SMARCA1: variants seen among roughly 807,000 people sequenced by gnomAD.
The protein encoded by SMARCA1 is SWI/SNF-related matrix-associated actin-dependent regulator of chromatin subfamily A member 1.
A neutral mutation model predicts 93.6 loss-of-function variants in SMARCA1; 17 were observed. That is an observed-to-expected ratio of 0.18 (90% CI 0.12 to 0.27). The LOEUF is 0.27. Among genes scored for constraint, SMARCA1 ranks in the 10% least tolerant of loss-of-function variants. SMARCA1 has a pLI of 1.00. For missense variants in SMARCA1, 630 were observed against 819.0 expected (o/e 0.77, Z 2.82); for synonymous variants, 271 against 271.4 (o/e 1.00, Z 0.01).
At chrX:129,523,048 G>T in intron 1 of SMARCA1, 149 bp downstream of exon 1, 1 of 609,518 alleles carries the variant, frequency 1.6e-6, no homozygotes, top group Non-Finnish European at 2.5e-6. Flanking sequence ...CGAACGCCAG[G>T]CGGTTCCGCC....
chrX:129,474,943 T>C (rs1312040324), intron 19 of SMARCA1, among the ~76,000 whole-genome samples: 1 of 110,839 alleles, frequency 9.0e-6, no homozygotes, highest in African/African-American at 3.3e-5. Context: ...CTCTCTTCCC[T>C]TCTAACATGG....
At position 129,477,837 on chromosome X, in the gene SMARCA1, T is replaced by A. The variant is rs762338067; in HGVS notation, c.2442+2864A>T. On this transcript the variant is annotated intron_variant, in intron 19 of 24. Transcript: ENST00000371121. ...AAACATCTCAGTGGGTTTCCTTTAC[T>A]CTAAAGCTAAAGTTCAACCTCATTA... Among the ~76,000 whole-genome samples, 21 of 104,707 alleles carry A rather than the reference T, an allele frequency of 2.0e-4. No individual in the cohort carries two copies. The South Asian group carries it at 0.011, about 54-fold the overall frequency. 90.9% of individuals were successfully genotyped at this position (104,707 alleles called of 115,157 possible).
At chrX:129,478,035 G>T (rs1933464915) in intron 19 of SMARCA1, among the ~76,000 whole-genome samples, 1 of 111,372 alleles carries the variant, frequency 9.0e-6, no homozygotes, top group Non-Finnish European at 1.9e-5. Context: ...ACCTGCCTCA[G>T]CTTTTCTCTC....
At position 129,451,972 on chromosome X, in the gene SMARCA1, G is replaced by A. The variant is rs1210818136; in HGVS notation, c.3031-3529C>T. Among the ~76,000 whole-genome samples the A allele has an allele frequency of 2.7e-5, 3 of 111,735 alleles. No individual in the cohort carries two copies. In the South Asian group the frequency reaches 1.1e-3, roughly 42 times the overall value. On this transcript the variant is annotated intron_variant, in intron 23 of 24. Coordinates refer to ENST00000371121, the MANE Select transcript of SMARCA1 (RefSeq NM_001282874.2). ...CCCACCTTGGCCTCCCAAAGTGCTG[G>A]GATTACAGGCGTGAGCCACCACGCC...
intron 17 of SMARCA1, among the ~76,000 whole-genome samples, chrX:129,481,942 C>T (rs1439568942): frequency 9.5e-6 from 1 of 104,850 alleles, no homozygotes; most frequent in Non-Finnish European, 2.0e-5. Flanking sequence ...AAATGTCCAA[C>T]AATGATAGAC....
Position 129,523,480 on chromosome X carries a change from C to G in SMARCA1, c.-110G>C. 6 of 574,702 alleles carry G rather than the reference C, an allele frequency of 1.0e-5. No homozygotes were observed. In the East Asian group the frequency reaches 2.0e-4, roughly 19 times the overall value. The allele number at this position is 574,702 out of a possible 1,213,427, so 47.4% of individuals were successfully genotyped here. A position where few individuals can be genotyped will look rare whatever the true frequency, so the allele number is the denominator to read the frequency against. ...GATGGAGCAGGGGTGGGGAATCACTCCGCTTCCAACCCCTTCGCTCAGGCC... is the reference window on the plus strand; with the variant it reads ...GATGGAGCAGGGGTGGGGAATCACTGCGCTTCCAACCCCTTCGCTCAGGCC... On this transcript the variant is annotated 5_prime_UTR_variant, in exon 1 of 25. Transcript: ENST00000371121.
chrX:129,518,296 T>C, intron 2 of SMARCA1, 65 bp downstream of exon 2: 1 of 609,924 alleles, frequency 1.6e-6, no homozygotes, highest in Non-Finnish European at 2.6e-6. Context: ...TATTTTTTCA[T>C]CTTTAACATC....
intron 23 of SMARCA1, among the ~76,000 whole-genome samples, chrX:129,452,884 A>T (rs1388078670): frequency 8.9e-6 from 1 of 112,049 alleles, no homozygotes; most frequent in Non-Finnish European, 1.9e-5. Flanking sequence ...CCAAGAGGAT[A>T]TGTTTACTTC....
At chrX:129,517,090 G>C (rs1380684129) in intron 2 of SMARCA1, among the ~76,000 whole-genome samples, 1 of 111,013 alleles carries the variant, frequency 9.0e-6, no homozygotes, top group Non-Finnish European at 1.9e-5. Flanking sequence ...CAGGGATCTA[G>C]AAAACTGTAT....
rs767090544 is a variant in SMARCA1 at position 129,468,810 on chromosome X, T to C, written c.2661A>G (p.Val887=). 13 of 1,188,894 alleles carry C rather than the reference T, an allele frequency of 1.1e-5. No individual in the cohort carries two copies. In the South Asian group the frequency reaches 2.3e-4, roughly 21 times the overall value. The part of the protein sequence containing the change: ...RDDIDNIARE[V]EGKSPEEVME... ...TGACCTCCTCAGGGGATTTGCCCTCTACCTCTCGAGCTATGTTATCAATGT... is the reference window on the plus strand; with the variant it reads ...TGACCTCCTCAGGGGATTTGCCCTCCACCTCTCGAGCTATGTTATCAATGT... Residue 887 remains valine, a synonymous_variant, in exon 21 of 25, where the codon GTA becomes GTG. Transcript: ENST00000371121.
intron 5 of SMARCA1, among the ~76,000 whole-genome samples, chrX:129,514,027 T>C (rs1229142888): frequency 4.4e-5 from 5 of 112,770 alleles, no homozygotes; most frequent in Non-Finnish European, 9.4e-5. Context: ...ATTAATTTGG[T>C]CTTAAAATAC....
chrX:129,463,902 AC>A (rs2124190079), intron 23 of SMARCA1, among the ~76,000 whole-genome samples: 1 of 111,713 alleles, frequency 9.0e-6, no homozygotes, highest in Admixed American at 9.5e-5. Context: ...GCACCACTGC[AC>A]TCCAGCCTGG....
intron 17 of SMARCA1, among the ~76,000 whole-genome samples, chrX:129,486,061 T>C (rs751576268): frequency 2.7e-5 from 3 of 111,979 alleles, no homozygotes; most frequent in Non-Finnish European, 5.6e-5. Context: ...ACACATTGTA[T>C]ATATGTAACA....
At chrX:129,523,163 T>C (rs1244932501) in intron 1 of SMARCA1, 34 bp downstream of exon 1, 1 of 1,201,662 alleles carries the variant, frequency 8.3e-7, no homozygotes, top group Non-Finnish European at 1.1e-6. Flanking sequence ...GGCACAGGAT[T>C]TGTCCACCAC....
chrX:129,462,543 AATTATAAGCAAAAATT>A (rs61030314), intron 23 of SMARCA1, among the ~76,000 whole-genome samples: 1,525 of 111,882 alleles, frequency 0.014, 34 homozygotes, highest in African/African-American at 0.046. Context: ...CTAAATCCAG[AATTATAAGCAAAAATT>A]ATTATAAGCA....
chrX:129,495,774 CT>C (rs752253528), intron 12 of SMARCA1, among the ~76,000 whole-genome samples: 117 of 97,620 alleles, frequency 1.2e-3, no homozygotes, highest in South Asian at 3.3e-3. Context: ...AAGAACCTAT[CT>C]TTTTTTTTTT....
chrX:129,521,420 C>G (rs966286742), intron 1 of SMARCA1, among the ~76,000 whole-genome samples: 6 of 111,732 alleles, frequency 5.4e-5, no homozygotes, highest in Non-Finnish European at 9.4e-5. Context: ...AAATGGATAT[C>G]CAGGAAGTTC....
In SMARCA1 at chrX:129,523,448, A is replaced by G; in HGVS notation, c.-78T>C. ...GGCGGCGGCAGTGGCTGCACTGGAA[A>G]GAGCTAGATGGAGCAGGGGTGGGGA... On this transcript the variant is annotated 5_prime_UTR_variant, in exon 1 of 25. Coordinates refer to ENST00000371121, the MANE Select transcript of SMARCA1 (RefSeq NM_001282874.2). The G allele has an allele frequency of 2.4e-6, 2 of 848,196 alleles. No individual in the cohort carries two copies. Among genetic ancestry groups the G allele is most frequent in the East Asian group, 3.3e-5 (1 of 30,081 alleles). 69.9% of individuals were successfully genotyped at this position (848,196 alleles called of 1,213,427 possible).
intron 23 of SMARCA1, among the ~76,000 whole-genome samples, chrX:129,461,259 T>A (rs1026329448): frequency 8.9e-6 from 1 of 112,061 alleles, no homozygotes; most frequent in Non-Finnish European, 1.9e-5. Context: ...AATTTTTTTT[T>A]TAACTAAAAT....
Sources: gnomAD v4.1 joint callset for allele counts (sites outside exome capture counted in the v4.1 genomes callset) on GRCh38, gnomAD v4.1.1 for gene constraint, MANE v1.5 for transcripts, NCBI Gene and HGNC (gene_info 2026-07-23, HGNC 2026-07-21) for gene names.